Variants in FAM120C observed in about 807,000 individuals in gnomAD.
FAM120C encodes constitutive coactivator of PPAR-gamma-like protein 2.
A neutral mutation model predicts 71.2 loss-of-function variants in FAM120C; 14 were observed. The ratio of observed to expected loss-of-function variants is 0.20; its 90% CI spans 0.13 to 0.31. The LOEUF (loss-of-function observed/expected upper bound fraction) is 0.31. Among genes scored for constraint, FAM120C ranks in the 10% least tolerant of loss-of-function variants. The pLI, the probability that FAM120C is intolerant of heterozygous loss-of-function variation, is 1.00. For synonymous variants in FAM120C, 354 were observed against 353.2 expected, an observed-to-expected ratio of 1.00 and a Z score of -0.03; for missense variants, 500 against 879.0, an observed-to-expected ratio of 0.57 and a Z score of 5.45.
chrX:54,170,417 G>A (rs1221356996), intron 1 of FAM120C, among the ~76,000 whole-genome samples: 2 of 111,653 alleles, frequency 1.8e-5, no homozygotes, highest in East Asian at 5.6e-4. Flanking sequence ...ACAGGCGTGA[G>A]CTACCGTGCC....
intron 10 of FAM120C, among the ~76,000 whole-genome samples, chrX:54,092,624 G>C (rs1356749919): frequency 1.8e-5 from 2 of 110,803 alleles, no homozygotes; most frequent in Non-Finnish European, 3.8e-5. Flanking sequence ...GTAGACCAGA[G>C]AACAGAGACT....
chrX:54,148,351 A>T (rs1183102260), intron 4 of FAM120C, among the ~76,000 whole-genome samples: 1 of 111,767 alleles, frequency 8.9e-6, no homozygotes, highest in African/African-American at 3.2e-5. Context: ...AAGTATGCTC[A>T]GAACAAAAAT....
At chrX:54,165,963 G>GA (rs1363183651) in intron 1 of FAM120C, among the ~76,000 whole-genome samples, 3 of 107,465 alleles carry the variant, frequency 2.8e-5, no homozygotes, top group South Asian at 4.0e-4. Context: ...TGATGAATAA[G>GA]AAAAAAAAAT....
chrX:54,097,282 T>G (rs2066856834), intron 10 of FAM120C, among the ~76,000 whole-genome samples: 1 of 112,028 alleles, frequency 8.9e-6, no homozygotes, highest in Non-Finnish European at 1.9e-5. Context: ...CCATTCCCTG[T>G]GTATACTACT....
At chrX:54,142,806 A>C (rs1262981512) in intron 4 of FAM120C, among the ~76,000 whole-genome samples, 4 of 112,168 alleles carry the variant, frequency 3.6e-5, no homozygotes, top group African/African-American at 1.3e-4. Flanking sequence ...TGGGTCCCTG[A>C]ACCCCGAGTA....
intron 4 of FAM120C, among the ~76,000 whole-genome samples, chrX:54,142,555 T>C (rs2067131300): frequency 8.9e-6 from 1 of 111,778 alleles, no homozygotes; most frequent in Non-Finnish European, 1.9e-5. Flanking sequence ...GCGTCCGCCA[T>C]TGCTGAGGCT....
chrX:54,074,605 C>T (rs782586747), intron 15 of FAM120C, among the ~76,000 whole-genome samples: 61 of 111,984 alleles, frequency 5.4e-4, no homozygotes, highest in Non-Finnish European at 9.4e-4. Context: ...TTAGTAGAGA[C>T]GGGATTTCTC....
chrX:54,182,549 G>A lies in FAM120C; in HGVS notation c.650C>T (p.Ala217Val). ...TAGCCTCACGCAGTGGCTCAGGCAG[G>A]CCGGTGGCAGGAACCAGGCCCGCGG... ...PPPRAWFLPP[A>V]CLSHCVRLAL... Residue 217 changes from alanine to valine, a missense_variant, in exon 1 of 16, where the codon GCC becomes GTC. Around this residue, in one of 11 missense-constraint regions of FAM120C, gnomAD observed 45 missense variants for 140.2 expected, o/e 0.32. Coordinates refer to ENST00000375180, the MANE Select transcript of FAM120C (RefSeq NM_017848.6). 1 of 1,210,758 alleles carries A rather than the reference G, an allele frequency of 8.3e-7. No individual in the cohort carries two copies. The highest frequency in any genetic ancestry group is 1.1e-6 in the Non-Finnish European group (1 of 895,457).
chrX:54,179,766 C>T (rs782648806), intron 1 of FAM120C, among the ~76,000 whole-genome samples: 4 of 111,765 alleles, frequency 3.6e-5, no homozygotes, highest in East Asian at 2.8e-4. Flanking sequence ...AAACAATGTA[C>T]CCTGCACCCA....
Position 54,128,399 on chromosome X carries a change from G to A in FAM120C, c.2062+4293C>T, listed in dbSNP as rs141306233. Among the ~76,000 whole-genome samples the A allele has an allele frequency of 1.4e-3, 153 of 111,939 alleles. 1 individual carries two copies. The highest frequency in any genetic ancestry group is 4.9e-3 in the African/African-American group (151 of 30,880). ...ATGCATTTCTCTGATAGCTAGTGAT[G>A]CTGAGTATTTTTTCATATATTTGTC... is the stretch of plus-strand genomic sequence containing the variant. On this transcript the variant is annotated intron_variant, in intron 9 of 15. Transcript: ENST00000375180.
chrX:54,074,860 T>C (rs782174130), intron 15 of FAM120C, among the ~76,000 whole-genome samples: 1 of 112,395 alleles, frequency 8.9e-6, no homozygotes, highest in Non-Finnish European at 1.9e-5. Flanking sequence ...TACTAAGTGG[T>C]TGGACATGCC....
intron 9 of FAM120C, among the ~76,000 whole-genome samples, chrX:54,129,890 C>A (rs893630843): frequency 1.1e-4 from 12 of 110,033 alleles, no homozygotes; most frequent in African/African-American, 3.6e-4. Context: ...CGTGGCGGCG[C>A]GCGCCTGCAA....
chrX:54,075,477 A>G (rs1250806869), intron 15 of FAM120C, among the ~76,000 whole-genome samples: 1 of 112,109 alleles, frequency 8.9e-6, no homozygotes. Context: ...AAATACATCA[A>G]AACATTACAA....
In FAM120C at chrX:54,081,360, G is replaced by A. The variant is rs782212774; in HGVS notation, c.2940C>T (p.Phe980=). Residue 980 remains phenylalanine (F), a synonymous_variant, in exon 14 of 16, where the codon TTC becomes TTT. Transcript: ENST00000375180. ...CACCGACAGAAACCACTTGCATGCC[G>A]AAGGATCCTCGGCCCCTGGAGGATC... The part of the protein sequence containing the change: ...GSRSSRGRGS[F]GMQVVSVGGP... 1.5e-5 allele frequency: 18 copies of A among 1,206,114 alleles called. No individual in the cohort carries two copies. The highest frequency in any genetic ancestry group is 6.6e-5 in the Admixed American group (3 of 45,184).
intron 4 of FAM120C, among the ~76,000 whole-genome samples, chrX:54,141,509 C>T (rs782478424): frequency 3.3e-4 from 37 of 110,585 alleles, no homozygotes; most frequent in Non-Finnish European, 3.0e-4. Flanking sequence ...ACAAAAACTA[C>T]AGCTAATATC....
chrX:54,091,717 T>C (rs2066825100), intron 10 of FAM120C, among the ~76,000 whole-genome samples: 1 of 111,637 alleles, frequency 9.0e-6, no homozygotes. Flanking sequence ...AGATGAAAGA[T>C]GGTATCCTGA....
chrX:54,143,970 C>G (rs1458322714), intron 4 of FAM120C, among the ~76,000 whole-genome samples: 2 of 111,508 alleles, frequency 1.8e-5, no homozygotes, highest in East Asian at 2.8e-4. Flanking sequence ...CCACCATGAT[C>G]AAGCTGGCTT....
rs782174240 is a variant in FAM120C at position 54,145,057 on chromosome X, C to A, written c.1158+6188G>T. ...CTTTGACAAACCTGACAAAAACAAG[C>A]AATGGGGAAAGGATTCCCTAGTTAA... On this transcript the variant is annotated intron_variant, in intron 4 of 15. Coordinates refer to ENST00000375180, the MANE Select transcript of FAM120C (RefSeq NM_017848.6). Among the ~76,000 whole-genome samples the A allele has an allele frequency of 1.4e-3, 154 of 112,002 alleles. 1 individual carries two copies. Among genetic ancestry groups the A allele is most frequent in the African/African-American group, 4.8e-3 (147 of 30,885 alleles).
intron 1 of FAM120C, among the ~76,000 whole-genome samples, chrX:54,176,107 GTTTT>G (rs1261469588): frequency 9.0e-6 from 1 of 111,403 alleles, no homozygotes; most frequent in Non-Finnish European, 1.9e-5. Context: ...CACTGAGCCT[GTTTT>G]TTTGTTTTTT....
Sources: allele counts gnomAD v4.1 joint callset (sites outside exome capture counted in the v4.1 genomes callset), GRCh38; gene constraint gnomAD v4.1.1; regional missense constraint gnomAD v4.1.1; transcripts MANE v1.5; gene names NCBI Gene and HGNC (gene_info 2026-07-23, HGNC 2026-07-21).